Variants in POU6F2 observed in about 807,000 individuals in gnomAD.
POU6F2 encodes the protein POU domain, class 6, transcription factor 2.
A neutral mutation model predicts 71.3 loss-of-function variants in POU6F2; 31 were observed. That is an observed-to-expected ratio of 0.43 (90% CI 0.33 to 0.59). The LOEUF is 0.59. Ranked by LOEUF, POU6F2 falls within the 20% of genes least tolerant of loss-of-function variation. POU6F2 has a pLI of 0.04. For missense variants in POU6F2, 783 were observed against 856.8 expected (o/e 0.91, Z 1.07); for synonymous variants, 347 against 355.7 (o/e 0.98, Z 0.27).
At chr7:39,153,857 C>T (rs772386759) in intron 2 of POU6F2, among the ~76,000 whole-genome samples, 6 of 152,038 alleles carry the variant, frequency 3.9e-5, no homozygotes, top group Non-Finnish European at 7.4e-5. Context: ...GAAAAACAGC[C>T]GGGTTGCTGG....
chr7:39,027,963 T>C (rs888505550), intron 1 of POU6F2, among the ~76,000 whole-genome samples: 13 of 152,242 alleles, frequency 8.5e-5, no homozygotes, highest in African/African-American at 2.9e-4. Flanking sequence ...TACAATGCAA[T>C]ATTTAGGAAT....
chr7:39,414,165 T>G (rs985056993), intron 6 of POU6F2, among the ~76,000 whole-genome samples: 3 of 152,206 alleles, frequency 2.0e-5, no homozygotes, highest in African/African-American at 7.2e-5. Context: ...CAGGAAGCCA[T>G]TCACACTCAT....
intron 4 of POU6F2, among the ~76,000 whole-genome samples, chr7:39,236,763 C>G (rs1215433613): frequency 6.6e-6 from 1 of 152,068 alleles, no homozygotes. Flanking sequence ...AGGGAAACTA[C>G]CCAACTCACA....
At chr7:39,318,354 G>A (rs73121820) in intron 4 of POU6F2, among the ~76,000 whole-genome samples, 15,316 of 152,108 alleles carry the variant, frequency 0.1, 933 homozygotes, top group East Asian at 0.15. Flanking sequence ...CTGCATAGGT[G>A]GGGCCCTGGA....
At chr7:39,366,736 C>T (rs192497221) in intron 5 of POU6F2, among the ~76,000 whole-genome samples, 1 of 152,064 alleles carries the variant, frequency 6.6e-6, no homozygotes, top group South Asian at 2.1e-4. Context: ...AGGAGTTGGG[C>T]AACTTGGCTA....
At chr7:39,153,428 C>T (rs1792800397) in intron 2 of POU6F2, among the ~76,000 whole-genome samples, 2 of 152,036 alleles carry the variant, frequency 1.3e-5, no homozygotes, top group Admixed American at 1.3e-4. Context: ...ACGATCGCAT[C>T]CCACCCTTTG....
At chr7:39,447,087 C>T (rs145540588) in intron 7 of POU6F2, among the ~76,000 whole-genome samples, 2 of 152,284 alleles carry the variant, frequency 1.3e-5, no homozygotes, top group East Asian at 3.9e-4. Flanking sequence ...GATGTGTCCC[C>T]AAACTGCACT....
At chr7:39,296,665 C>G (rs4615450) in intron 4 of POU6F2, among the ~76,000 whole-genome samples, 69,539 of 151,986 alleles carry the variant, frequency 0.46, 16,739 homozygotes, top group Admixed American at 0.59. Flanking sequence ...TCATTGGCAC[C>G]AACTCATCCT....
chr7:39,132,552 G>C (rs761677831), intron 2 of POU6F2: 1 of 152,248 alleles, frequency 6.6e-6, no homozygotes, highest in Non-Finnish European at 1.5e-5. Flanking sequence ...ACCGTGTGAG[G>C]TATGGCAAGG....
intron 2 of POU6F2, among the ~76,000 whole-genome samples, chr7:39,130,041 T>G (rs1166994625): frequency 7.1e-5 from 9 of 126,014 alleles, no homozygotes; most frequent in African/African-American, 2.2e-4. Context: ...CACTCTAGCC[T>G]GGGCGACAGA....
At chr7:39,003,990 T>C (rs1395130097) in intron 1 of POU6F2, among the ~76,000 whole-genome samples, 1 of 151,530 alleles carries the variant, frequency 6.6e-6, no homozygotes, top group East Asian at 1.9e-4. Context: ...GAGAATCATG[T>C]TTTTTTTAAC....
At chr7:39,048,548 T>C (rs1023874602) in intron 1 of POU6F2, among the ~76,000 whole-genome samples, 2 of 152,040 alleles carry the variant, frequency 1.3e-5, no homozygotes, top group African/African-American at 2.4e-5. Flanking sequence ...TAATAGTCCA[T>C]GGTGTATATG....
Position 39,144,046 on chromosome 7 carries a change from T to A in POU6F2, c.277+58015T>A. Reference sequence around the variant, plus strand: ...CTTCCTTCTTATTTCTCTTCCTCCCTCCCTTCCTTCTCTCTTTCCTTCCTT... The same window carrying A: ...CTTCCTTCTTATTTCTCTTCCTCCCACCCTTCCTTCTCTCTTTCCTTCCTT... On this transcript the variant is annotated intron_variant, in intron 2 of 9. Coordinates refer to ENST00000518318, the MANE Select transcript of POU6F2 (RefSeq NM_001370959.1). 1.3e-5 allele frequency among the ~76,000 whole-genome samples: 2 copies of A among 152,146 alleles called. 1 individual carries two copies. Among genetic ancestry groups the A allele is most frequent in the East Asian group, 3.9e-4 (2 of 5,192 alleles).
At chr7:39,263,342 G>A (rs762976091) in intron 4 of POU6F2, among the ~76,000 whole-genome samples, 16 of 152,102 alleles carry the variant, frequency 1.1e-4, no homozygotes, top group East Asian at 1.9e-4. Flanking sequence ...CTAATCACAC[G>A]TAGTGGACCC....
intron 1 of POU6F2, among the ~76,000 whole-genome samples, chr7:39,082,902 A>G (rs958150168): frequency 2.6e-5 from 4 of 152,150 alleles, no homozygotes; most frequent in African/African-American, 9.7e-5. Context: ...AAAAAAAATT[A>G]AATGAGTACT....
chr7:39,016,928 G>A (rs1479823979), intron 1 of POU6F2, among the ~76,000 whole-genome samples: 2 of 152,214 alleles, frequency 1.3e-5, no homozygotes, highest in African/African-American at 4.8e-5. Context: ...AAGCCAGACT[G>A]TGGAGACCTT....
intron 1 of POU6F2, among the ~76,000 whole-genome samples, chr7:39,049,562 T>C (rs547783229): frequency 1.3e-5 from 2 of 152,138 alleles, no homozygotes; most frequent in East Asian, 3.9e-4. Flanking sequence ...TATTGAGGCT[T>C]GCTTTATAGC....
chr7:39,462,046 T>C (rs1400109025), intron 9 of POU6F2, among the ~76,000 whole-genome samples: 2 of 152,262 alleles, frequency 1.3e-5, no homozygotes, highest in Non-Finnish European at 2.9e-5. Flanking sequence ...AATTTTCTAT[T>C]GGTGCTAAAT....
chr7:39,184,571 G>T (rs1382291137), intron 2 of POU6F2, among the ~76,000 whole-genome samples: 1 of 152,186 alleles, frequency 6.6e-6, no homozygotes, highest in Non-Finnish European at 1.5e-5. Flanking sequence ...CTTTAATCCA[G>T]CAGGGCTCTT....
Sources: gnomAD v4.1 joint callset for allele counts (sites outside exome capture counted in the v4.1 genomes callset) on GRCh38, gnomAD v4.1.1 for gene constraint, MANE v1.5 for transcripts, NCBI Gene and HGNC (gene_info 2026-07-23, HGNC 2026-07-21) for gene names.